The following ADAMTS13 variants were observed in gnomAD, a reference collection of about 807,000 sequenced individuals.
ADAMTS13 encodes A disintegrin and metalloproteinase with thrombospondin motifs 13.
ADAMTS13 carries 110 observed loss-of-function variants against 155.1 expected under a neutral mutation model. That is an observed-to-expected ratio of 0.71 (90% CI 0.61 to 0.83). The LOEUF is 0.83. ADAMTS13 is among the 40% of genes least tolerant of loss of function. The probability of loss-of-function intolerance (pLI) is 0.00; values close to 1 mark genes in which losing one functional copy is unlikely to be tolerated. For synonymous variants in ADAMTS13, 758 were observed against 756.4 expected, an observed-to-expected ratio of 1.00 and a Z score of -0.03; for missense variants, 1,707 against 1,891.7, an observed-to-expected ratio of 0.90 and a Z score of 1.81.
intron 22 of ADAMTS13, among the ~76,000 whole-genome samples, 179 bp downstream of exon 22, chr9:133,448,907 G>A (rs747159853): frequency 6.6e-6 from 1 of 152,190 alleles, no homozygotes; most frequent in African/African-American, 2.4e-5. Context: ...CCAGAGCCCC[G>A]GCCCAGCCCC....
In ADAMTS13 at chr9:133,440,577, T is replaced by C. The variant is rs1490167717; in HGVS notation, c.1968+52T>C. The C allele has an allele frequency of 2.8e-5, 43 of 1,514,384 alleles. No homozygotes were observed. Among genetic ancestry groups the C allele is most frequent in the Middle Eastern group, 3.7e-4 (2 of 5,378 alleles). 93.8% of individuals were successfully genotyped at this position (1,514,384 alleles called of 1,614,324 possible). On this transcript the variant is annotated intron_variant, in intron 16 of 28. Coordinates refer to ENST00000355699, the MANE Select transcript of ADAMTS13 (RefSeq NM_139027.6). The surrounding 1 kb of genome is among the most constrained non-coding windows in gnomAD (Gnocchi z 4.3). ...AGTGGGGGCTTCTTCTTGGGGGCTA[T>C]GGCTGCTTGCTCGTTTGTCTATCCA... is the stretch of plus-strand genomic sequence containing the variant.
intron 21 of ADAMTS13, among the ~76,000 whole-genome samples, chr9:133,446,496 G>A (rs587604497): frequency 5.2e-4 from 79 of 152,328 alleles, no homozygotes; most frequent in African/African-American, 1.7e-3. Flanking sequence ...CCATGTTGTA[G>A]CATGTGTGAG....
intron 24 of ADAMTS13, 38 bp downstream of exon 24, chr9:133,454,657 G>A (rs1554795233): frequency 1.9e-6 from 3 of 1,559,264 alleles, no homozygotes; most frequent in Non-Finnish European, 1.7e-6. Context: ...TATGGGGCTG[G>A]GGTGGGCATC....
chr9:133,448,808 C>T, intron 22 of ADAMTS13, 80 bp downstream of exon 22: 3 of 1,551,094 alleles, frequency 1.9e-6, no homozygotes, highest in Non-Finnish European at 2.6e-6. Context: ...TGCCCGGTGA[C>T]CTGCGGAGGG....
At chr9:133,433,593 C>T (rs919941510) in intron 10 of ADAMTS13, 48 bp from the exon 11 acceptor site, 2 of 1,613,776 alleles carry the variant, frequency 1.2e-6, no homozygotes, top group South Asian at 2.2e-5. Flanking sequence ...TAGTTGAAGG[C>T]AGTGGTCACC....
chr9:133,449,665 C>T (rs1193286160), intron 22 of ADAMTS13, 118 bp from the exon 23 acceptor site: 1 of 1,207,362 alleles, frequency 8.3e-7, no homozygotes, highest in South Asian at 1.3e-5. Context: ...GAGAACCTCT[C>T]CGGGCCCTTC....
Position 133,448,731 on chromosome 9 carries a change from G to A in ADAMTS13, c.2861+3G>A. 6.3e-7 allele frequency: 1 copy of A among 1,599,792 alleles called. No homozygotes were observed. Among genetic ancestry groups the A allele is most frequent in the Non-Finnish European group, 8.5e-7 (1 of 1,179,668 alleles). Reference sequence around the variant, plus strand: ...CAGGCTGTCCCGTGCCCTGCTCGGTGAGTGAGGGGAGCAAGACTGTGTGCT... The same window carrying A: ...CAGGCTGTCCCGTGCCCTGCTCGGTAAGTGAGGGGAGCAAGACTGTGTGCT... On this transcript the variant is annotated splice_donor_region_variant and intron_variant, in intron 22 of 28. Coordinates refer to ENST00000355699, the MANE Select transcript of ADAMTS13 (RefSeq NM_139027.6).
intron 23 of ADAMTS13, among the ~76,000 whole-genome samples, chr9:133,451,894 C>CAAAAA (rs34716768): frequency 5.0e-5 from 4 of 79,512 alleles, no homozygotes; most frequent in African/African-American, 1.1e-4. Flanking sequence ...GACCCTGTCT[C>CAAAAA]AAAAAAAAAA....
At chr9:133,420,953 GT>G (rs1331794100), upstream of ADAMTS13, among the ~76,000 whole-genome samples, 1 of 152,234 alleles carries the variant, frequency 6.6e-6, no homozygotes, top group African/African-American at 2.4e-5. Flanking sequence ...TCAAGGGAAG[GT>G]TGTTGATTGT....
At chr9:133,426,733 A>C (rs1840305489) in intron 6 of ADAMTS13, among the ~76,000 whole-genome samples, 1 of 151,958 alleles carries the variant, frequency 6.6e-6, no homozygotes, top group East Asian at 1.9e-4. Context: ...TTTAGTTTGG[A>C]TCCCTGAAAA....
At chr9:133,418,713 G>A (rs1839823587), upstream of ADAMTS13, among the ~76,000 whole-genome samples, 1 of 152,196 alleles carries the variant, frequency 6.6e-6, no homozygotes, top group African/African-American at 2.4e-5. Flanking sequence ...AACAGAACAG[G>A]ACAGGGATTT....
chr9:133,456,500 A>G lies in ADAMTS13; in HGVS notation c.3548-43A>G. 1 of 1,605,150 alleles carries G rather than the reference A, an allele frequency of 6.2e-7. No individual in the cohort carries two copies. On this transcript the variant is annotated intron_variant, in intron 26 of 28. Transcript: ENST00000355699. The surrounding 1 kb of genome is among the most constrained non-coding windows in gnomAD (Gnocchi z 4.4). ...CCCTGGAGCCACTCCTCTGCTGACC[A>G]GGCGTGGGAGTGCTGGACCCTCACT...
At chr9:133,418,129 C>T, upstream of ADAMTS13, 1 of 470,894 alleles carries the variant, frequency 2.1e-6, no homozygotes, top group South Asian at 2.9e-5. Context: ...GGACTTGGGC[C>T]GCCGCCTTAG....
chr9:133,457,759 G>A, intron 27 of ADAMTS13, 151 bp from the exon 28 acceptor site: 1 of 951,654 alleles, frequency 1.1e-6, no homozygotes. Context: ...GCCAGGAAGT[G>A]GTAGAGGTGG....
Position 133,432,623 on chromosome 9 carries a change from G to A in ADAMTS13, c.1023G>A (p.Pro341=), listed in dbSNP as rs199953481. Residue 341 remains proline (P), a synonymous_variant, in exon 9 of 29, where the codon CCG becomes CCA. Transcript: ENST00000355699. ...MCQALSCHTD[P]LDQSSCSRLL... is the part of the protein sequence containing the mutation. ...AGGCCCTCTCCTGCCACACAGACCC[G>A]CTGGACCAAAGCAGCTGCAGCCGCC... is the stretch of plus-strand genomic sequence containing the variant. 7 of 1,557,548 alleles carry A rather than the reference G, an allele frequency of 4.5e-6. No individual in the cohort carries two copies. The highest frequency in any genetic ancestry group is 3.9e-5 in the Admixed American group (2 of 51,712).
At chr9:133,436,718 A>C (rs1354562159) in intron 11 of ADAMTS13, 111 bp from the exon 12 acceptor site, 1 of 1,150,978 alleles carries the variant, frequency 8.7e-7, no homozygotes, top group Admixed American at 2.0e-5. Flanking sequence ...CCTGGAGCTG[A>C]GGCCACACCC....
rs1280327796 is a variant in ADAMTS13, at chr9:133,459,289, C to A, written c.*109C>A. On this transcript the variant is annotated 3_prime_UTR_variant, in exon 29 of 29. Coordinates refer to ENST00000355699, the MANE Select transcript of ADAMTS13 (RefSeq NM_139027.6). ...CAATCTTAGGTATCTACTTTAGAGT[C>A]TTCTCCAATGTCCAAAAGGCTAGGG... 7.0e-6 allele frequency: 8 copies of A among 1,138,130 alleles called. No individual in the cohort carries two copies. In the East Asian group the frequency reaches 2.0e-4, roughly 29 times the overall value. The allele number at this position is 1,138,130 out of a possible 1,614,324, so 70.5% of individuals were successfully genotyped here. A position where few individuals can be genotyped will look rare whatever the true frequency, so the allele number is the denominator to read the frequency against.
intron 1 of ADAMTS13, 87 bp from the exon 2 acceptor site, chr9:133,423,014 G>A: frequency 2.0e-6 from 2 of 1,004,258 alleles, no homozygotes; most frequent in Non-Finnish European, 3.0e-6. Flanking sequence ...GGACTCAAGT[G>A]ATCCTCCCAC....
chr9:133,456,128 C>A lies in ADAMTS13; in HGVS notation c.3460C>A (p.Gln1154Lys), dbSNP rs900975405. 3 of 1,613,292 alleles carry A rather than the reference C, an allele frequency of 1.9e-6. No individual in the cohort carries two copies. In the African/African-American group the frequency reaches 4.0e-5, roughly 22 times the overall value. ...AACCATTGACATGCGAGGCCCAGGG[C>A]AGGCAGACTGTGCAGTGGCCATTGG... ...TGTIDMRGPG[Q>K]ADCAVAIGRP... is the part of the protein sequence containing the mutation. Residue 1154 changes from glutamine to lysine, a missense_variant, in exon 26 of 29, where the codon CAG becomes AAG. Gln to Lys is a moderately conservative substitution (Grantham distance 53). Transcript: ENST00000355699. The surrounding 1 kb of genome is among the most constrained non-coding windows in gnomAD (Gnocchi z 4.4).
Sources: gnomAD v4.1 joint callset for allele counts (sites outside exome capture counted in the v4.1 genomes callset) on GRCh38, gnomAD v4.1.1 for gene constraint, Gnocchi (gnomAD v3.1) non-coding constraint, MANE v1.5 for transcripts, NCBI Gene and HGNC (gene_info 2026-07-23, HGNC 2026-07-21) for gene names.